Variants in MARCHF4 observed in about 807,000 individuals in gnomAD.
MARCHF4 encodes E3 ubiquitin-protein ligase MARCHF4.
Under a neutral mutation model 43.9 loss-of-function variants are expected in MARCHF4, and 14 were observed. The observed-to-expected ratio is 0.32, with a 90% CI of 0.21 to 0.50. MARCHF4 has a LOEUF of 0.50. Among genes scored for constraint, MARCHF4 ranks in the 20% least tolerant of loss-of-function variants. The pLI is 0.98. For missense variants in MARCHF4, 468 were observed against 536.7 expected (o/e 0.87, Z 1.27); for synonymous variants, 226 against 213.3 (o/e 1.06, Z -0.52).
chr2:216,370,246 C>G lies in MARCHF4; in HGVS notation c.15G>C (p.Leu5=), dbSNP rs745802179. The G allele has an allele frequency of 8.7e-6, 14 of 1,602,924 alleles. No homozygotes were observed. The South Asian group carries it at 1.3e-4, about 15-fold the overall frequency. Residue 5 remains leucine (L), a synonymous_variant, in exon 1 of 4, where the codon CTG becomes CTC. Transcript: ENST00000273067. Reference sequence around the variant, plus strand: ...ACCACCACCACCAGAGCAGCCCACACAGGGGCATCAGCATGTGCCCCGTGG... The same window carrying G: ...ACCACCACCACCAGAGCAGCCCACAGAGGGGCATCAGCATGTGCCCCGTGG... The part of the protein sequence containing the change: MLMP[L]CGLLWWWWCC...
intron 1 of MARCHF4, among the ~76,000 whole-genome samples, chr2:216,351,113 T>C (rs1692398513): frequency 1.3e-5 from 2 of 152,232 alleles, no homozygotes; most frequent in African/African-American, 4.8e-5. Flanking sequence ...TGGAGCATAA[T>C]AGCTGTACTT....
Position 216,259,199 on chromosome 2 carries a change from G to A in MARCHF4, c.*113C>T, listed in dbSNP as rs2106079761. The A allele has an allele frequency of 1.4e-6, 2 of 1,462,410 alleles. No individual in the cohort carries two copies. Among genetic ancestry groups the A allele is most frequent in the East Asian group, 4.6e-5 (2 of 43,692 alleles). 90.6% of individuals were successfully genotyped at this position (1,462,410 alleles called of 1,614,324 possible). ...TGACACTACCCCAGGGCTCCCGCCA[G>A]GTCCCCCACCCTCTGCCTGCTCCCT... On this transcript the variant is annotated 3_prime_UTR_variant, in exon 4 of 4. Transcript: ENST00000273067.
At chr2:216,327,957 C>CAA (rs113198806) in intron 1 of MARCHF4, among the ~76,000 whole-genome samples, 1,026 of 88,068 alleles carry the variant, frequency 0.012, 7 homozygotes, top group African/African-American at 0.039. Flanking sequence ...TATTAGCTTG[C>CAA]AAAAAAAAAA....
At chr2:216,328,041 T>C (rs1010245840) in intron 1 of MARCHF4, among the ~76,000 whole-genome samples, 1 of 152,026 alleles carries the variant, frequency 6.6e-6, no homozygotes, top group South Asian at 2.1e-4. Context: ...TGCCTGCACA[T>C]AGCCCATAGA....
intron 1 of MARCHF4, among the ~76,000 whole-genome samples, chr2:216,354,967 CTT>C (rs1692474872): frequency 8.2e-6 from 1 of 121,478 alleles, no homozygotes; most frequent in Non-Finnish European, 1.7e-5. Context: ...TTCTTTCTTT[CTT>C]TCTTTCTTTC....
intron 1 of MARCHF4, among the ~76,000 whole-genome samples, chr2:216,316,602 C>T (rs1267866624): frequency 6.6e-6 from 1 of 151,720 alleles, no homozygotes; most frequent in Non-Finnish European, 1.5e-5. Flanking sequence ...AACTGAGGCA[C>T]AAAAAAATAG....
chr2:216,311,407 G>A (rs149439976), intron 1 of MARCHF4, among the ~76,000 whole-genome samples: 8 of 152,150 alleles, frequency 5.3e-5, no homozygotes, highest in South Asian at 4.1e-4. Context: ...ACAGTCATGC[G>A]TCACCACACC....
chr2:216,347,651 CG>C (rs1221681279), intron 1 of MARCHF4, among the ~76,000 whole-genome samples: 4 of 151,628 alleles, frequency 2.6e-5, no homozygotes, highest in Non-Finnish European at 4.4e-5. Context: ...TGCTTAAACC[CG>C]GGAGGCGGAA....
chr2:216,271,013 A>G (rs938358121), intron 3 of MARCHF4, among the ~76,000 whole-genome samples: 1 of 152,248 alleles, frequency 6.6e-6, no homozygotes, highest in Non-Finnish European at 1.5e-5. Context: ...TAAAATGCAC[A>G]TCTGTTCATA....
chr2:216,276,956 T>C (rs1370594863), intron 3 of MARCHF4, among the ~76,000 whole-genome samples: 1 of 152,126 alleles, frequency 6.6e-6, no homozygotes, highest in Non-Finnish European at 1.5e-5. Flanking sequence ...GCAGGATCTA[T>C]AGCAGTAGGT....
At chr2:216,306,115 T>C (rs1363403011) in intron 1 of MARCHF4, among the ~76,000 whole-genome samples, 7 of 152,232 alleles carry the variant, frequency 4.6e-5, no homozygotes, top group South Asian at 2.1e-4. Flanking sequence ...TCTGTATTTA[T>C]ACATGCAAAG....
At chr2:216,308,317 T>A (rs900928876) in intron 1 of MARCHF4, among the ~76,000 whole-genome samples, 3 of 152,078 alleles carry the variant, frequency 2.0e-5, no homozygotes, top group Non-Finnish European at 2.9e-5. Flanking sequence ...GTTCAGAGGA[T>A]GGCTTGAGCC....
At position 216,289,501 on chromosome 2, in the gene MARCHF4, C is replaced by T. The variant is rs376925461; in HGVS notation, c.517-5772G>A. ...TGATGGTTGAGGAGAAATTGTTTCC[C>T]TCCCAACACTGCCAATAACACAGCA... On this transcript the variant is annotated intron_variant, in intron 1 of 3. Transcript: ENST00000273067. Among the ~76,000 whole-genome samples the T allele has an allele frequency of 1.1e-4, 17 of 152,280 alleles. No individual in the cohort carries two copies. The East Asian group carries it at 2.5e-3, about 22-fold the overall frequency.
intron 3 of MARCHF4, among the ~76,000 whole-genome samples, chr2:216,262,228 T>C (rs897031399): frequency 1.3e-5 from 2 of 152,224 alleles, no homozygotes; most frequent in Non-Finnish European, 2.9e-5. Flanking sequence ...TAGAATTAGC[T>C]CACTGTGTTA....
Position 216,354,914 on chromosome 2 carries a change from T to TCTTTCTTC in MARCHF4, c.516+14830_516+14831insGAAGAAAG, listed in dbSNP as rs1559106547. 1.8e-4 allele frequency among the ~76,000 whole-genome samples: 18 copies of TCTTTCTTC among 100,844 alleles called. No homozygotes were observed. The South Asian group carries it at 3.0e-3, about 17-fold the overall frequency. The allele number at this position is 100,844 out of a possible 152,430, so 66.2% of individuals were successfully genotyped here. On this transcript the variant is annotated intron_variant, in intron 1 of 3. Coordinates refer to ENST00000273067, the MANE Select transcript of MARCHF4 (RefSeq NM_020814.3). ...TGTTTTCTTTCTTTCTTTCTTTCTT[T>TCTTTCTTC]CTTTCTTTCTTTCTTTCTTTCTTTC...
chr2:216,308,042 C>A (rs780515458), intron 1 of MARCHF4, among the ~76,000 whole-genome samples: 1 of 151,916 alleles, frequency 6.6e-6, no homozygotes, highest in Non-Finnish European at 1.5e-5. Context: ...AGTAACAAAG[C>A]GAGACCCTAT....
intron 1 of MARCHF4, among the ~76,000 whole-genome samples, chr2:216,291,700 C>T (rs1012857090): frequency 6.6e-6 from 1 of 152,214 alleles, no homozygotes; most frequent in African/African-American, 2.4e-5. Flanking sequence ...TCCTTTCTTT[C>T]TCCTCTCTGT....
intron 3 of MARCHF4, among the ~76,000 whole-genome samples, chr2:216,262,471 C>T (rs1438016159): frequency 6.6e-6 from 1 of 152,012 alleles, no homozygotes; most frequent in Non-Finnish European, 1.5e-5. Context: ...GATGAGAATA[C>T]GAAAGGTATA....
chr2:216,364,383 T>A (rs1692633388), intron 1 of MARCHF4, among the ~76,000 whole-genome samples: 1 of 152,054 alleles, frequency 6.6e-6, no homozygotes, highest in South Asian at 2.1e-4. Context: ...CTTCCAGGGA[T>A]CTTATAGTCC....
Sources: allele counts gnomAD v4.1 joint callset (sites outside exome capture counted in the v4.1 genomes callset), GRCh38; gene constraint gnomAD v4.1.1; transcripts MANE v1.5; gene names NCBI Gene and HGNC (gene_info 2026-07-23, HGNC 2026-07-21).